The following ANKRD13C variants were observed in gnomAD, a reference collection of about 807,000 sequenced individuals.
The protein encoded by ANKRD13C is ankyrin repeat domain 13C.
In ANKRD13C, 16 loss-of-function variants were observed where a neutral mutation model predicts 65.5. The ratio of observed to expected loss-of-function variants is 0.24; its 90% CI spans 0.17 to 0.37. ANKRD13C has a LOEUF of 0.37. ANKRD13C is among the 10% of genes least tolerant of loss of function. The probability of loss-of-function intolerance (pLI) is 1.00; values close to 1 mark genes in which losing one functional copy is unlikely to be tolerated. For synonymous variants in ANKRD13C, 235 were observed against 238.7 expected (o/e 0.98, Z 0.14); for missense variants, 503 against 655.9 (o/e 0.77, Z 2.55).
At chr1:70,338,976 CT>C (rs1682181677) in intron 1 of ANKRD13C, among the ~76,000 whole-genome samples, 1 of 152,142 alleles carries the variant, frequency 6.6e-6, no homozygotes, top group Non-Finnish European at 1.5e-5. Flanking sequence ...AGTCACCGTA[CT>C]TTGGAAAGCT....
rs941813477 is a variant in ANKRD13C, at chr1:70,261,425, A to T, written c.*1292T>A. 1.3e-5 allele frequency: 2 copies of T among 152,114 alleles called. No individual in the cohort carries two copies. Among genetic ancestry groups the T allele is most frequent in the African/African-American group, 4.8e-5 (2 of 41,452 alleles). 9.4% of individuals were successfully genotyped at this position (152,114 alleles called of 1,614,324 possible). On this transcript the variant is annotated 3_prime_UTR_variant, in exon 13 of 13. Transcript: ENST00000370944. ...GACATTCATCAGGATACATTTTAAA[A>T]ACATCAATCTAAGTAAGCTCTTTAA...
rs777808676 is a variant in ANKRD13C at position 70,354,411 on chromosome 1, C to G, written c.-3G>C. On this transcript the variant is annotated 5_prime_UTR_variant, in exon 1 of 13. Coordinates refer to ENST00000370944, the MANE Select transcript of ANKRD13C (RefSeq NM_030816.5). ...GAGCGGATCTTCTCCCCGGTCATCG[C>G]CGCCGCCAGGGGCAAGGGGGGGAAT... 7 of 1,609,380 alleles carry G rather than the reference C, an allele frequency of 4.3e-6. No homozygotes were observed. The highest frequency in any genetic ancestry group is 1.3e-5 in the African/African-American group (1 of 74,836).
Position 70,259,411 on chromosome 1 carries a change from A to G in ANKRD13C, c.*3306T>C, listed in dbSNP as rs1160753752. On this transcript the variant is annotated 3_prime_UTR_variant, in exon 13 of 13. Coordinates refer to ENST00000370944, the MANE Select transcript of ANKRD13C (RefSeq NM_030816.5). ...AAAAAGCAAAATTGTAATTCTATGT[A>G]CCATAGGTACCATTATGACTGAAAG... is the stretch of plus-strand genomic sequence containing the variant. Among the ~76,000 whole-genome samples, 5 of 152,204 alleles carry G rather than the reference A, an allele frequency of 3.3e-5. No homozygotes were observed. The highest frequency in any genetic ancestry group is 1.2e-4 in the African/African-American group (5 of 41,458).
At chr1:70,325,022 T>C in intron 2 of ANKRD13C, 65 bp from the exon 3 acceptor site, 1 of 1,101,346 alleles carries the variant, frequency 9.1e-7, no homozygotes, top group Non-Finnish European at 1.3e-6. Context: ...AATATAAATA[T>C]ATAAAAGTTT....
At chr1:70,335,352 G>A (rs964461170) in intron 2 of ANKRD13C, among the ~76,000 whole-genome samples, 11 of 151,070 alleles carry the variant, frequency 7.3e-5, no homozygotes, top group Non-Finnish European at 1.5e-4. Flanking sequence ...GTTGCAGTGA[G>A]CTAAGACTGC....
intron 9 of ANKRD13C, among the ~76,000 whole-genome samples, chr1:70,285,017 A>G (rs902110820): frequency 6.6e-6 from 1 of 152,176 alleles, no homozygotes; most frequent in African/African-American, 2.4e-5. Context: ...CTGATAAAAT[A>G]TAATGCTTTC....
intron 5 of ANKRD13C, among the ~76,000 whole-genome samples, chr1:70,309,734 AT>A (rs1182756096): frequency 1.0e-3 from 152 of 147,886 alleles, no homozygotes; most frequent in African/African-American, 2.6e-3. Context: ...AAAAAAAAAA[AT>A]AATAATAATA....
intron 11 of ANKRD13C, 129 bp downstream of exon 11, chr1:70,274,591 T>G: frequency 1.5e-6 from 1 of 667,436 alleles, no homozygotes. Context: ...GTGCACACAC[T>G]ATCAAGGCAA....
intron 2 of ANKRD13C, 134 bp from the exon 3 acceptor site, chr1:70,325,091 A>C (rs907244773): frequency 9.1e-6 from 5 of 549,650 alleles, no homozygotes; most frequent in Non-Finnish European, 1.4e-5. Context: ...GAATTATGTA[A>C]TTTGAAAAAT....
Position 70,270,929 on chromosome 1 carries a change from A to T in ANKRD13C, c.1422T>A (p.Ala474=). Residue 474 remains alanine, a synonymous_variant, in exon 12 of 13, where the codon GCT becomes GCA. Transcript: ENST00000370944. ...TAAGCTTGTTAAAGTGCTTGAAGGG[A>T]GCTACTACTTCTAAAACATTCAATA... ...ELLLNVLEVV[A]PFKHFNKLRE... 6.2e-7 allele frequency: 1 copy of T among 1,611,964 alleles called. No homozygotes were observed. Among genetic ancestry groups the T allele is most frequent in the African/African-American group, 1.3e-5 (1 of 74,976 alleles).
At chr1:70,323,419 C>T (rs987551621) in intron 3 of ANKRD13C, among the ~76,000 whole-genome samples, 17 of 152,036 alleles carry the variant, frequency 1.1e-4, no homozygotes, top group Admixed American at 5.2e-4. Context: ...CCAAGGTGGG[C>T]GGATCACGTG....
chr1:70,311,067 T>C (rs1027084935), intron 5 of ANKRD13C, among the ~76,000 whole-genome samples: 7 of 152,198 alleles, frequency 4.6e-5, no homozygotes, highest in African/African-American at 1.4e-4. Flanking sequence ...AAATTTAGAA[T>C]TTAAAATTCT....
chr1:70,354,698 G>A lies in ANKRD13C; in HGVS notation c.-290C>T, dbSNP rs1260660351. ...CGTCGCTGCCTTACACCGAAAAACA[G>A]GGCACGGCCATCTTCCTCTTGCTCC... On this transcript the variant is annotated 5_prime_UTR_variant, in exon 1 of 13. Coordinates refer to ENST00000370944, the MANE Select transcript of ANKRD13C (RefSeq NM_030816.5). 3 of 748,964 alleles carry A rather than the reference G, an allele frequency of 4.0e-6. No homozygotes were observed. The highest frequency in any genetic ancestry group is 1.9e-5 in the South Asian group (1 of 51,722). The allele number at this position is 748,964 out of a possible 1,614,324, so 46.4% of individuals were successfully genotyped here. A position where few individuals can be genotyped will look rare whatever the true frequency, so the allele number is the denominator to read the frequency against.
chr1:70,270,789 T>C, intron 12 of ANKRD13C, 67 bp downstream of exon 12: 1 of 1,144,954 alleles, frequency 8.7e-7, no homozygotes, highest in Non-Finnish European at 1.3e-6. Context: ...AAATTGCTTA[T>C]TAAATGTTAA....
intron 1 of ANKRD13C, among the ~76,000 whole-genome samples, chr1:70,350,020 G>A (rs921348204): frequency 3.3e-5 from 5 of 152,134 alleles, no homozygotes; most frequent in Non-Finnish European, 7.3e-5. Flanking sequence ...GTGCATGCCT[G>A]TAGTCCTAGC....
chr1:70,354,039 C>T lies in ANKRD13C; in HGVS notation c.370G>A (p.Asp124Asn). Residue 124 changes from aspartate to asparagine, a missense_variant, in exon 1 of 13, where the codon GAT becomes AAT. Asp to Asn is a conservative substitution (Grantham distance 23). Transcript: ENST00000370944. ...YPVHECVFKG[D>N]VRRLSSLIRT... ...ATGAGAGAGGAGAGTCTCCTCACATCCCCCTTGAAGACGCACTCGTGCACC... is the reference window on the plus strand; with the variant it reads ...ATGAGAGAGGAGAGTCTCCTCACATTCCCCTTGAAGACGCACTCGTGCACC... The T allele has an allele frequency of 1.3e-6, 2 of 1,580,296 alleles. No homozygotes were observed. Among genetic ancestry groups the T allele is most frequent in the East Asian group, 2.2e-5 (1 of 44,486 alleles).
intron 12 of ANKRD13C, among the ~76,000 whole-genome samples, chr1:70,265,310 G>A (rs1438317940): frequency 6.6e-6 from 1 of 152,052 alleles, no homozygotes; most frequent in Admixed American, 6.6e-5. Context: ...AGAAGTCAGA[G>A]GAAAATGCAA....
intron 1 of ANKRD13C, among the ~76,000 whole-genome samples, chr1:70,341,153 T>C (rs1336333926): frequency 6.6e-6 from 1 of 152,182 alleles, no homozygotes; most frequent in African/African-American, 2.4e-5. Flanking sequence ...ACCAACTTTT[T>C]TGAATTGGTA....
rs1266954967 is a variant in ANKRD13C, at chr1:70,275,347, T to C, written c.1296-529A>G. Among the ~76,000 whole-genome samples the C allele has an allele frequency of 2.0e-5, 3 of 152,112 alleles. No homozygotes were observed. The East Asian group carries it at 5.8e-4, about 29-fold the overall frequency. On this transcript the variant is annotated intron_variant, in intron 10 of 12. Transcript: ENST00000370944. ...CTGTAAAATAGAATGAGCGTTCCAA[T>C]AAGCTGAAAAGAGGAGGTTATCTTT...
Sources: gnomAD v4.1 joint callset for allele counts (sites outside exome capture counted in the v4.1 genomes callset) on GRCh38, gnomAD v4.1.1 for gene constraint, MANE v1.5 for transcripts, NCBI Gene and HGNC (gene_info 2026-07-23, HGNC 2026-07-21) for gene names.